Variants in OGDHL observed in about 807,000 individuals in gnomAD.
OGDHL encodes the protein oxoglutarate dehydrogenase L.
A neutral mutation model predicts 109.6 loss-of-function variants in OGDHL; 79 were observed. The ratio of observed to expected loss-of-function variants is 0.72; its 90% CI spans 0.60 to 0.87. OGDHL has a LOEUF of 0.87. OGDHL is among the 40% of genes least tolerant of loss of function. OGDHL has a pLI of 0.00. For synonymous variants in OGDHL, 528 were observed against 537.2 expected, an observed-to-expected ratio of 0.98 and a Z score of 0.24; for missense variants, 1,275 against 1,362.2, an observed-to-expected ratio of 0.94 and a Z score of 1.01.
chr10:49,752,741 C>A lies in OGDHL; in HGVS notation c.376-1G>T. The A allele has an allele frequency of 6.2e-7, 1 of 1,612,842 alleles. No homozygotes were observed. Among genetic ancestry groups the A allele is most frequent in the Non-Finnish European group, 8.5e-7 (1 of 1,178,990 alleles). On this transcript the variant is annotated splice_acceptor_variant, in intron 3 of 22. Coordinates refer to ENST00000374103, the MANE Select transcript of OGDHL (RefSeq NM_018245.3). LOFTEE classifies it high-confidence loss of function. ...GCTGGGCCACATGGTGACCCCGGAT[C>A]TGGGAGGAGGGAAAAGAGCAGGGTG...
At chr10:49,752,764 G>C in intron 3 of OGDHL, 24 bp from the exon 4 acceptor site, 1 of 1,572,712 alleles carries the variant, frequency 6.4e-7, no homozygotes, top group Non-Finnish European at 8.7e-7. Context: ...AAAGAGCAGG[G>C]TGGGGCTGGG....
intron 2 of OGDHL, among the ~76,000 whole-genome samples, chr10:49,757,664 C>A (rs1842997277): frequency 6.6e-6 from 1 of 152,206 alleles, no homozygotes; most frequent in South Asian, 2.1e-4. Context: ...GAATACTACA[C>A]AGCTGGACAG....
rs377549624 is a variant in OGDHL, at chr10:49,740,825, A to G, written c.2025T>C (p.His675=). The G allele has an allele frequency of 6.8e-6, 11 of 1,613,788 alleles. No homozygotes were observed. The highest frequency in any genetic ancestry group is 4.5e-5 in the East Asian group (2 of 44,866). ...GGTCAACCTCCTGGTCATGGAGAAC[A>G]TGGTGCCGGTGACTGCAGAGACACA... The part of the protein sequence containing the change: ...VERGTFSHRH[H]VLHDQEVDRR... The change falls in exon 16 of 23, where the codon CAT becomes CAC. Residue 675 remains histidine, a synonymous_variant. Coordinates refer to ENST00000374103, the MANE Select transcript of OGDHL (RefSeq NM_018245.3).
chr10:49,758,028 A>AT (rs1164406803), intron 2 of OGDHL, among the ~76,000 whole-genome samples: 1 of 152,088 alleles, frequency 6.6e-6, no homozygotes, highest in African/African-American at 2.4e-5. Context: ...ATCTAATTTA[A>AT]TTTTTTTCTT....
At chr10:49,737,762 C>T in intron 20 of OGDHL, 24 bp downstream of exon 20, 1 of 1,613,974 alleles carries the variant, frequency 6.2e-7, no homozygotes, top group African/African-American at 1.3e-5. Context: ...TGGGCTACCC[C>T]ACACACCCAG....
Position 49,736,182 on chromosome 10 carries a change from G to A in OGDHL, c.2755-5C>T, listed in dbSNP as rs2132932342. ...GTCGAAGGGGAATGGAGAGATCTGG[G>A]GAGGCAGAAACAAAGGAGCATAGCC... On this transcript the variant is annotated splice_region_variant and splice_polypyrimidine_tract_variant and intron_variant, in intron 21 of 22. Transcript: ENST00000374103. 6.3e-7 allele frequency: 1 copy of A among 1,583,938 alleles called. No individual in the cohort carries two copies. Among genetic ancestry groups the A allele is most frequent in the Non-Finnish European group, 8.6e-7 (1 of 1,164,882 alleles).
At chr10:49,740,894 C>G in intron 15 of OGDHL, 57 bp from the exon 16 acceptor site, 1 of 1,606,094 alleles carries the variant, frequency 6.2e-7, no homozygotes, top group Non-Finnish European at 8.5e-7. Flanking sequence ...CACCTGTTCA[C>G]CTGGAGCAGG....
chr10:49,758,884 C>T (rs1376296952), intron 1 of OGDHL, among the ~76,000 whole-genome samples: 2 of 152,148 alleles, frequency 1.3e-5, no homozygotes, highest in East Asian at 3.9e-4. Context: ...GTCCCCAAAG[C>T]CTGTGCAGAG....
At chr10:49,738,372 T>C in intron 17 of OGDHL, 110 bp from the exon 18 acceptor site, 1 of 1,107,352 alleles carries the variant, frequency 9.0e-7, no homozygotes, top group South Asian at 1.3e-5. Context: ...TCAGCAGAGG[T>C]GCCCTCACCC....
chr10:49,738,697 C>T lies in OGDHL; in HGVS notation c.2320-435G>A, dbSNP rs150592010. On this transcript the variant is annotated intron_variant, in intron 17 of 22. Coordinates refer to ENST00000374103, the MANE Select transcript of OGDHL (RefSeq NM_018245.3). ...GAGGCAAGGAGAGGGTAAGAAACCA[C>T]CCATGACCACACAGCCAGGCAGGGG... 390 of 193,972 alleles carry T rather than the reference C, an allele frequency of 2.0e-3. 1 individual carries two copies. Among genetic ancestry groups the T allele is most frequent in the African/African-American group, 7.3e-3 (316 of 43,006 alleles). The allele number at this position is 193,972 out of a possible 1,614,324, so 12.0% of individuals were successfully genotyped here. A position where few individuals can be genotyped will look rare whatever the true frequency, so the allele number is the denominator to read the frequency against.
At position 49,740,632 on chromosome 10, in the gene OGDHL, G is replaced by A; in HGVS notation, c.2140+78C>T. The stretch of plus-strand genomic sequence containing the variant: ...CATCTCTCGCCCCTCCCAGGCCCTG[G>A]CCCCGGTCCCTTCCCAGCCCATCTC... On this transcript the variant is annotated intron_variant, in intron 16 of 22. Coordinates refer to ENST00000374103, the MANE Select transcript of OGDHL (RefSeq NM_018245.3). 1 of 1,528,038 alleles carries A rather than the reference G, an allele frequency of 6.5e-7. No individual in the cohort carries two copies. The highest frequency in any genetic ancestry group is 8.8e-7 in the Non-Finnish European group (1 of 1,134,316). 94.7% of individuals were successfully genotyped at this position (1,528,038 alleles called of 1,614,324 possible). A position where few individuals can be genotyped will look rare whatever the true frequency, so the allele number is the denominator to read the frequency against.
At chr10:49,742,463 C>T (rs1841835796) in intron 15 of OGDHL, among the ~76,000 whole-genome samples, 2 of 7,816 alleles carry the variant, frequency 2.6e-4, no homozygotes, top group Admixed American at 1.1e-3. Context: ...ACACGCACCA[C>T]ACACACCCCC....
In OGDHL at chr10:49,736,358, T is replaced by C. The variant is rs775769101; in HGVS notation, c.2753A>G (p.Gln918Arg). Reference protein sequence around the residue: ...EEKVAITRLEQISPFPFDLIK... With the variant: ...EEKVAITRLERISPFPFDLIK... ...ACTGTACAAGGGGTTCAGGCACACCTGCTCCAGGCGCGTGATGGCCACTTT... is the reference window on the plus strand; with the variant it reads ...ACTGTACAAGGGGTTCAGGCACACCCGCTCCAGGCGCGTGATGGCCACTTT... The change falls in exon 21 of 23, where the codon CAG becomes CGG. Residue 918 changes from glutamine (Q) to arginine (R), a missense_variant and splice_region_variant. Transcript: ENST00000374103. 10 of 1,614,152 alleles carry C rather than the reference T, an allele frequency of 6.2e-6. No individual in the cohort carries two copies. The highest frequency in any genetic ancestry group is 7.6e-6 in the Non-Finnish European group (9 of 1,180,010).
At chr10:49,736,308 G>A (rs369929176) in intron 21 of OGDHL, 49 bp downstream of exon 21, 92 of 1,606,702 alleles carry the variant, frequency 5.7e-5, no homozygotes, top group Non-Finnish European at 5.4e-5. Context: ...GCCGGGGCCA[G>A]CGACGTGAGC....
At chr10:49,756,062 T>G (rs1036796558) in intron 3 of OGDHL, among the ~76,000 whole-genome samples, 7 of 152,254 alleles carry the variant, frequency 4.6e-5, no homozygotes, top group African/African-American at 1.7e-4. Context: ...GGGCAGCTCA[T>G]TCAGAGGCAA....
At chr10:49,756,973 G>A in intron 2 of OGDHL, 27 bp from the exon 3 acceptor site, 1 of 1,602,482 alleles carries the variant, frequency 6.2e-7, no homozygotes, top group Non-Finnish European at 8.5e-7. Flanking sequence ...CAAGAACGCA[G>A]CCAGGTCAGG....
At chr10:49,751,676 G>A (rs1040939402) in intron 6 of OGDHL, 151 bp downstream of exon 6, 15 of 1,030,840 alleles carry the variant, frequency 1.5e-5, no homozygotes, top group Admixed American at 2.5e-5. Flanking sequence ...CTAAACACCT[G>A]GTCCCAACTC....
At position 49,736,364 on chromosome 10, in the gene OGDHL, A is replaced by G; in HGVS notation, c.2747T>C (p.Leu916Pro). 1 of 1,614,126 alleles carries G rather than the reference A, an allele frequency of 6.2e-7. No homozygotes were observed. The highest frequency in any genetic ancestry group is 8.5e-7 in the Non-Finnish European group (1 of 1,180,002). The stretch of plus-strand genomic sequence containing the variant: ...CAAGGGGTTCAGGCACACCTGCTCC[A>G]GGCGCGTGATGGCCACTTTCTCCTC... ...DLEEKVAITR[L>P]EQISPFPFDL... The change falls in exon 21 of 23, where the codon CTG (leucine) becomes CCG (proline). Residue 916 changes from leucine to proline, a missense_variant. Transcript: ENST00000374103.
At chr10:49,761,420 A>C (rs1329350711) in intron 1 of OGDHL, among the ~76,000 whole-genome samples, 1 of 152,242 alleles carries the variant, frequency 6.6e-6, no homozygotes. Flanking sequence ...GAGGCCGGGA[A>C]GGGTTCTCCC....
Sources: allele counts gnomAD v4.1 joint callset (sites outside exome capture counted in the v4.1 genomes callset), GRCh38; gene constraint gnomAD v4.1.1; transcripts MANE v1.5; gene names NCBI Gene and HGNC (gene_info 2026-07-23, HGNC 2026-07-21).